Variants in KLHL1 observed in about 807,000 individuals in gnomAD.
KLHL1 encodes the protein kelch-like protein 1.
Under a neutral mutation model 77.7 loss-of-function variants are expected in KLHL1, and 47 were observed. That is an observed-to-expected ratio of 0.60 (90% confidence interval 0.48 to 0.77). The LOEUF (loss-of-function observed/expected upper bound fraction) is 0.77. KLHL1 is among the 30% of genes least tolerant of loss of function. The pLI, the probability that KLHL1 is intolerant of heterozygous loss-of-function variation, is 0.00. For synonymous variants in KLHL1, 360 were observed against 325.2 expected (o/e 1.11, Z -1.15); for missense variants, 925 against 910.8 (o/e 1.02, Z -0.20).
At chr13:69,939,716 G>T (rs933328267) in intron 4 of KLHL1, among the ~76,000 whole-genome samples, 1 of 152,048 alleles carries the variant, frequency 6.6e-6, no homozygotes, top group Non-Finnish European at 1.5e-5. Flanking sequence ...CCCAGGGAGG[G>T]CCTGGAGCCT....
At chr13:69,778,827 C>A (rs1209767581) in intron 7 of KLHL1, among the ~76,000 whole-genome samples, 1 of 113,628 alleles carries the variant, frequency 8.8e-6, no homozygotes, top group African/African-American at 3.5e-5. Context: ...GAGATGGAGT[C>A]TTGCTCTGTC....
At chr13:70,105,903 C>T (rs1593748798) in intron 1 of KLHL1, among the ~76,000 whole-genome samples, 1 of 150,484 alleles carries the variant, frequency 6.6e-6, no homozygotes, top group Non-Finnish European at 1.5e-5. Flanking sequence ...TATACTTCTC[C>T]CTCATTAAAA....
intron 1 of KLHL1, among the ~76,000 whole-genome samples, chr13:70,084,936 AC>A (rs1887497103): frequency 6.6e-6 from 1 of 152,116 alleles, no homozygotes; most frequent in Admixed American, 6.5e-5. Context: ...TTCTTCAGGT[AC>A]TTTTTGGAAA....
At chr13:70,086,605 A>T (rs1566564249) in intron 1 of KLHL1, among the ~76,000 whole-genome samples, 1 of 63,584 alleles carries the variant, frequency 1.6e-5, no homozygotes, top group East Asian at 3.3e-4. Context: ...AAAGAAAGAA[A>T]GAAAGAAAGA....
chr13:70,043,093 C>T (rs1200158952), intron 1 of KLHL1, among the ~76,000 whole-genome samples: 1 of 152,110 alleles, frequency 6.6e-6, no homozygotes, highest in East Asian at 1.9e-4. Context: ...TTAGTGGAGA[C>T]TGGGTTTCAC....
In KLHL1 at chr13:69,707,770, G is replaced by T. The variant is rs758877244; in HGVS notation, c.2042C>A (p.Thr681Asn). The T allele has an allele frequency of 1.9e-6, 3 of 1,612,390 alleles. No individual in the cohort carries two copies. Among genetic ancestry groups the T allele is most frequent in the Non-Finnish European group, 2.5e-6 (3 of 1,179,040 alleles). ...ERYDPKTDTW[T>N]MVAPLSMPRD... ...GGGCATACTCAAAGGAGCCACCATG[G>T]TCCAAGTGTCTGTTTTGGGATCATA... The change falls in exon 10 of 11, where the codon ACC becomes AAC. Residue 681 changes from threonine (T) to asparagine (N), a missense_variant. Transcript: ENST00000377844.
chr13:69,753,369 C>T (rs1158134901), intron 7 of KLHL1, among the ~76,000 whole-genome samples: 8 of 152,178 alleles, frequency 5.3e-5, no homozygotes. Flanking sequence ...AAGAGGATGA[C>T]ATCATTAGAA....
intron 5 of KLHL1, among the ~76,000 whole-genome samples, chr13:69,847,208 A>G (rs1171560872): frequency 6.6e-6 from 1 of 151,410 alleles, no homozygotes; most frequent in Non-Finnish European, 1.5e-5. Context: ...TTTATTACAT[A>G]AATGACATAC....
chr13:69,997,709 A>G (rs1166151243), intron 1 of KLHL1, among the ~76,000 whole-genome samples: 2 of 147,848 alleles, frequency 1.4e-5, no homozygotes, highest in African/African-American at 2.5e-5. Flanking sequence ...ATACATTGAT[A>G]TTACATAAAC....
At chr13:69,864,895 A>G (rs777780218) in intron 5 of KLHL1, among the ~76,000 whole-genome samples, 3 of 152,130 alleles carry the variant, frequency 2.0e-5, no homozygotes, top group African/African-American at 2.4e-5. Flanking sequence ...GAAGAGCACC[A>G]GTAGTAGACA....
At position 69,972,098 on chromosome 13, in the gene KLHL1, C is replaced by G. The variant is rs539717992; in HGVS notation, c.680+3522G>C. Among the ~76,000 whole-genome samples, 13 of 152,020 alleles carry G rather than the reference C, an allele frequency of 8.6e-5. No individual in the cohort carries two copies. The East Asian group carries it at 2.3e-3, about 27-fold the overall frequency. ...GTAAAATGAAAGAAATGTTATTCCTCTACTATTAAAGATAATCTATGTAAA... is the reference window on the plus strand; with the variant it reads ...GTAAAATGAAAGAAATGTTATTCCTGTACTATTAAAGATAATCTATGTAAA... On this transcript the variant is annotated intron_variant, in intron 2 of 10. Coordinates refer to ENST00000377844, the MANE Select transcript of KLHL1 (RefSeq NM_020866.3).
intron 2 of KLHL1, among the ~76,000 whole-genome samples, chr13:69,966,606 C>G (rs529241434): frequency 2.0e-5 from 3 of 152,116 alleles, no homozygotes; most frequent in Non-Finnish European, 4.4e-5. Flanking sequence ...CATTTCTTTT[C>G]TTTTTTCCTT....
chr13:69,960,101 G>C (rs1431396874), intron 3 of KLHL1, among the ~76,000 whole-genome samples: 1 of 128,376 alleles, frequency 7.8e-6, no homozygotes, highest in Non-Finnish European at 1.6e-5. Flanking sequence ...AGCAGTCAGA[G>C]CATGTGTACT....
chr13:69,724,729 A>G (rs1873220841), intron 8 of KLHL1, among the ~76,000 whole-genome samples: 1 of 152,152 alleles, frequency 6.6e-6, no homozygotes, highest in Non-Finnish European at 1.5e-5. Context: ...CACATGAATA[A>G]AGGATAAAAA....
At chr13:70,067,513 G>GC (rs1438823898) in intron 1 of KLHL1, among the ~76,000 whole-genome samples, 1 of 152,072 alleles carries the variant, frequency 6.6e-6, no homozygotes, top group Non-Finnish European at 1.5e-5. Flanking sequence ...AGCATGATAC[G>GC]CAGATGATCT....
In KLHL1 at chr13:69,765,819, C is replaced by T. The variant is rs528901663; in HGVS notation, c.1640-25263G>A. On this transcript the variant is annotated intron_variant, in intron 7 of 10. Coordinates refer to ENST00000377844, the MANE Select transcript of KLHL1 (RefSeq NM_020866.3). ...TGTTGCTAAACAGAGAAGGAAGAAGCGAGAAGACCTCTGATGCTCTAAGGG... is the reference window on the plus strand; with the variant it reads ...TGTTGCTAAACAGAGAAGGAAGAAGTGAGAAGACCTCTGATGCTCTAAGGG... Among the ~76,000 whole-genome samples the T allele has an allele frequency of 7.5e-4, 114 of 152,298 alleles. No individual in the cohort carries two copies. In the South Asian group the frequency reaches 8.5e-3, roughly 11 times the overall value.
intron 10 of KLHL1, among the ~76,000 whole-genome samples, chr13:69,704,544 G>A (rs1223661352): frequency 6.6e-6 from 1 of 151,578 alleles, no homozygotes; most frequent in Non-Finnish European, 1.5e-5. Flanking sequence ...TTACTCATTT[G>A]TCAGGCCTCA....
chr13:69,817,807 A>G (rs1216625398), intron 6 of KLHL1, among the ~76,000 whole-genome samples: 1 of 152,202 alleles, frequency 6.6e-6, no homozygotes, highest in Non-Finnish European at 1.5e-5. Flanking sequence ...TGAGTACTCA[A>G]GAATTTATAA....
At chr13:69,915,625 G>A (rs1292279707) in intron 4 of KLHL1, among the ~76,000 whole-genome samples, 1 of 151,962 alleles carries the variant, frequency 6.6e-6, no homozygotes, top group East Asian at 1.9e-4. Context: ...TGTTAGAACT[G>A]AAACCATAAA....
Sources: allele counts gnomAD v4.1 joint callset (sites outside exome capture counted in the v4.1 genomes callset), GRCh38; gene constraint gnomAD v4.1.1; transcripts MANE v1.5; gene names NCBI Gene and HGNC (gene_info 2026-07-23, HGNC 2026-07-21).